DEAF1: variants seen among roughly 807,000 people sequenced by gnomAD.
DEAF1 encodes the protein deformed epidermal autoregulatory factor 1 homolog.
DEAF1 carries 53 observed loss-of-function variants against 58.9 expected under a neutral mutation model. The ratio of observed to expected loss-of-function variants is 0.90; its 90% CI spans 0.72 to 1.13. The LOEUF is 1.13. DEAF1 is among the 50% of genes most tolerant of loss of function. The pLI is 0.00. For missense variants in DEAF1, 685 were observed against 791.4 expected (o/e 0.87, Z 1.61); for synonymous variants, 385 against 340.4 (o/e 1.13, Z -1.44).
intron 11 of DEAF1, among the ~76,000 whole-genome samples, chr11:653,540 TGTGG>T (rs1858893672): frequency 7.0e-6 from 1 of 142,206 alleles, no homozygotes; most frequent in African/African-American, 2.7e-5. Flanking sequence ...ATAGAGGAAC[TGTGG>T]ACAGTCTCTC....
chr11:702,263 C>T (rs942038469), intron 1 of DEAF1, among the ~76,000 whole-genome samples: 3 of 152,260 alleles, frequency 2.0e-5, no homozygotes, highest in Non-Finnish European at 1.5e-5. Flanking sequence ...GTCCCAGAAC[C>T]TCTAGAGCTT....
rs1248728901 is a variant in DEAF1 at position 644,849 on chromosome 11, G to A, written c.1594-195C>T. On this transcript the variant is annotated intron_variant, in intron 11 of 11. Coordinates refer to ENST00000382409, the MANE Select transcript of DEAF1 (RefSeq NM_021008.4). This position sits in a 1 kb window ranked among gnomAD's most constrained non-coding sequence, Gnocchi z 4.3. ...ATACAGCCTTCCCCACACTCTCTTG[G>A]TTTGAGGAATTGGATCAAAAGGCAA... Among the ~76,000 whole-genome samples the A allele has an allele frequency of 6.6e-6, 1 of 152,122 alleles. No individual in the cohort carries two copies. The highest frequency in any genetic ancestry group is 1.5e-5 in the Non-Finnish European group (1 of 68,028).
chr11:668,500 C>CG (rs1407809894), intron 10 of DEAF1, among the ~76,000 whole-genome samples: 1 of 152,070 alleles, frequency 6.6e-6, no homozygotes, highest in African/African-American at 2.4e-5. Context: ...GCAACCTCTA[C>CG]CCCTGGGCTC....
chr11:699,994 C>T, upstream of DEAF1: 1 of 624,408 alleles, frequency 1.6e-6, no homozygotes, highest in South Asian at 1.9e-5. Flanking sequence ...ACAGAAGCCT[C>T]AGATAGGCAG....
chr11:678,476 A>T, intron 9 of DEAF1: 1 of 600,562 alleles, frequency 1.7e-6, no homozygotes, highest in Non-Finnish European at 2.8e-6. Flanking sequence ...TACCAAAAGC[A>T]ACTTCCACAG....
chr11:698,300 C>T (rs1861290992), upstream of DEAF1, among the ~76,000 whole-genome samples: 1 of 151,894 alleles, frequency 6.6e-6, no homozygotes, highest in Admixed American at 6.6e-5. Flanking sequence ...CCTGTCATCT[C>T]TCAGGTGGGG....
chr11:653,810 G>A lies in DEAF1; in HGVS notation c.1593+152C>T, dbSNP rs777093808. Reference sequence around the variant, plus strand: ...TGTGAGCCTTCTGCAGGGTCTTCACGGAGCCAGGCAGGAGCCCCGGATTCC... The same window carrying A: ...TGTGAGCCTTCTGCAGGGTCTTCACAGAGCCAGGCAGGAGCCCCGGATTCC... On this transcript the variant is annotated intron_variant, in intron 11 of 11. Coordinates refer to ENST00000382409, the MANE Select transcript of DEAF1 (RefSeq NM_021008.4). 93 of 727,280 alleles carry A rather than the reference G, an allele frequency of 1.3e-4. 3 individuals are homozygous for A. Among genetic ancestry groups the A allele is most frequent in the South Asian group, 9.4e-4 (63 of 67,332 alleles). 45.1% of individuals were successfully genotyped at this position (727,280 alleles called of 1,614,324 possible).
In DEAF1 at chr11:644,491, C is replaced by A. The variant is rs1451846797; in HGVS notation, c.*59G>T. 2 of 1,399,062 alleles carry A rather than the reference C, an allele frequency of 1.4e-6. No individual in the cohort carries two copies. The highest frequency in any genetic ancestry group is 3.5e-5 in the Admixed American group (2 of 56,654). 86.7% of individuals were successfully genotyped at this position (1,399,062 alleles called of 1,614,324 possible). A position where few individuals can be genotyped will look rare whatever the true frequency, so the allele number is the denominator to read the frequency against. On this transcript the variant is annotated 3_prime_UTR_variant, in exon 12 of 12. Coordinates refer to ENST00000382409, the MANE Select transcript of DEAF1 (RefSeq NM_021008.4). The surrounding 1 kb of genome is among the most constrained non-coding windows in gnomAD (Gnocchi z 4.3). ...CCAGAGTCCTCAGGGGGGCCTTCGA[C>A]CTGCAAAAGCCTCACAGGAGTGCGA...
rs56213610 is a variant in DEAF1 at position 670,081 on chromosome 11, GAA to G, written c.1503+4453_1503+4454del. Among the ~76,000 whole-genome samples, 75 of 146,618 alleles carry G rather than the reference GAA, an allele frequency of 5.1e-4. 1 individual carries two copies. The highest frequency in any genetic ancestry group is 3.5e-3 in the Middle Eastern group (1 of 288). On this transcript the variant is annotated intron_variant, in intron 10 of 11. Coordinates refer to ENST00000382409, the MANE Select transcript of DEAF1 (RefSeq NM_021008.4). ...TGAGATGCTGCCTCAAAAGAGAAAAGAAAAAAAAAAAAATGAGAGCAGTGACT... is the reference window on the plus strand; with the variant it reads ...TGAGATGCTGCCTCAAAAGAGAAAAGAAAAAAAAAAATGAGAGCAGTGACT...
At chr11:666,391 A>G (rs1273086461) in intron 10 of DEAF1, 1 of 152,252 alleles carries the variant, frequency 6.6e-6, no homozygotes, top group East Asian at 1.9e-4. Flanking sequence ...AAGAAGGGAT[A>G]ACAGGATCCA....
intron 11 of DEAF1, among the ~76,000 whole-genome samples, chr11:653,069 A>G (rs1171070262): frequency 2.8e-5 from 4 of 140,598 alleles, no homozygotes; most frequent in Non-Finnish European, 3.1e-5. Context: ...GGGTGACAGA[A>G]TGAGACTCTG....
intron 2 of DEAF1, 34 bp downstream of exon 2, chr11:691,466 AC>A (rs1164610589): frequency 6.3e-7 from 1 of 1,595,380 alleles, no homozygotes; most frequent in African/African-American, 1.3e-5. Flanking sequence ...GCGTGGCACC[AC>A]CCGCCCTGGG....
intron 6 of DEAF1, 70 bp downstream of exon 6, chr11:684,828 G>C: frequency 7.4e-7 from 1 of 1,344,472 alleles, no homozygotes; most frequent in Non-Finnish European, 1.0e-6. Context: ...AGAGGCCAAG[G>C]GCTGTGGGAC....
intron 10 of DEAF1, among the ~76,000 whole-genome samples, chr11:668,093 C>G (rs1393675851): frequency 1.3e-5 from 2 of 152,106 alleles, no homozygotes; most frequent in African/African-American, 2.4e-5. Context: ...GCCTGGAAAA[C>G]AAGAGCGAGA....
intron 7 of DEAF1, 106 bp from the exon 8 acceptor site, chr11:679,922 G>C: frequency 6.7e-7 from 1 of 1,482,976 alleles, no homozygotes; most frequent in Non-Finnish European, 9.2e-7. Context: ...TGGGCTGAAG[G>C]GCGGGCAGTG....
chr11:698,243 C>T (rs558107449), upstream of DEAF1, among the ~76,000 whole-genome samples: 1 of 152,054 alleles, frequency 6.6e-6, no homozygotes, highest in African/African-American at 2.4e-5. Context: ...GATGCAAAAC[C>T]TCAGAATCAA....
intron 1 of DEAF1, among the ~76,000 whole-genome samples, chr11:702,274 GC>G (rs983923007): frequency 8.5e-5 from 13 of 152,344 alleles, no homozygotes; most frequent in Admixed American, 2.0e-4. Flanking sequence ...TCTAGAGCTT[GC>G]CCCCCAGGGC....
At chr11:687,490 T>TTTG (rs1490398500) in intron 4 of DEAF1, among the ~76,000 whole-genome samples, 2 of 152,228 alleles carry the variant, frequency 1.3e-5, no homozygotes, top group African/African-American at 4.8e-5. Context: ...GTCTTGTTTT[T>TTTG]TTGTTGTCGT....
chr11:679,786 G>C lies in DEAF1; in HGVS notation c.1028C>G (p.Thr343Ser), dbSNP rs765056978. The C allele has an allele frequency of 6.2e-7, 1 of 1,613,858 alleles. No homozygotes were observed. The highest frequency in any genetic ancestry group is 8.5e-7 in the Non-Finnish European group (1 of 1,180,036). Residue 343 changes from threonine (T) to serine (S), a missense_variant, in exon 8 of 12, where the codon ACC (threonine) becomes AGC (serine). By Grantham distance (58) the Thr-to-Ser change is moderately conservative. Transcript: ENST00000382409. ...TCGGTCAAAGGTCAGTGCCCCCGAG[G>C]TCGTGATCTGTCCCGAGGGGGTCAC... ...FTVTPSGQIT[T>S]SGALTFDRAS...
Sources: allele counts gnomAD v4.1 joint callset (sites outside exome capture counted in the v4.1 genomes callset), GRCh38; gene constraint gnomAD v4.1.1; non-coding constraint Gnocchi (gnomAD v3.1); transcripts MANE v1.5; gene names NCBI Gene and HGNC (gene_info 2026-07-23, HGNC 2026-07-21).